FGF9: variants seen among roughly 807,000 people sequenced by gnomAD.
FGF9 encodes the protein fibroblast growth factor 9.
In FGF9, 3 loss-of-function variants were observed where a neutral mutation model predicts 19.9. That is an observed-to-expected ratio of 0.15 (90% confidence interval 0.07 to 0.39). The LOEUF (loss-of-function observed/expected upper bound fraction) is 0.39. FGF9 is among the 10% of genes least tolerant of loss of function. The pLI is 1.00. For synonymous variants in FGF9, 107 were observed against 106.9 expected (o/e 1.00, Z -0.01); for missense variants, 175 against 256.8 (o/e 0.68, Z 2.18).
intron 2 of FGF9, among the ~76,000 whole-genome samples, chr13:21,695,800 G>A (rs575889628): frequency 1.3e-4 from 20 of 152,330 alleles, no homozygotes; most frequent in African/African-American, 4.3e-4. Context: ...CTTATGAAAT[G>A]TTTGGGACCT....
intron 2 of FGF9, among the ~76,000 whole-genome samples, chr13:21,688,050 C>T (rs985441051): frequency 3.3e-5 from 5 of 152,154 alleles, no homozygotes; most frequent in Admixed American, 6.5e-5. Flanking sequence ...GAGTTGGGGA[C>T]GGAGGCCAAC....
Position 21,701,636 on chromosome 13 carries a change from G to A in FGF9, c.*201G>A. 2 of 631,308 alleles carry A rather than the reference G, an allele frequency of 3.2e-6. No individual in the cohort carries two copies. The highest frequency in any genetic ancestry group is 7.9e-4 in the Middle Eastern group (2 of 2,518). The allele number at this position is 631,308 out of a possible 1,614,324, so 39.1% of individuals were successfully genotyped here. ...TAAAGGCTTCTCCTCCTGGAGGGCT[G>A]CCTAGGGCCACTTGCTTGATTTATC... On this transcript the variant is annotated 3_prime_UTR_variant, in exon 3 of 3. Transcript: ENST00000382353.
At chr13:21,678,107 A>G (rs889380608) in intron 1 of FGF9, among the ~76,000 whole-genome samples, 23 of 152,216 alleles carry the variant, frequency 1.5e-4, no homozygotes, top group African/African-American at 5.3e-4. Context: ...TATATACTCA[A>G]TAAATGGTAT....
intron 1 of FGF9, among the ~76,000 whole-genome samples, chr13:21,676,773 G>T (rs1199466449): frequency 6.6e-6 from 1 of 152,344 alleles, no homozygotes; most frequent in South Asian, 2.1e-4. Flanking sequence ...TTAAGCCAGA[G>T]AACCATGTCA....
In FGF9 at chr13:21,671,795, T is replaced by TTCTC. The variant is rs369053667; in HGVS notation, c.-108_-105dup. On this transcript the variant is annotated 5_prime_UTR_variant, in exon 1 of 3. Transcript: ENST00000382353. ...TGGATTGAAGAAAAGAACCTTTTTT[T>TTCTC]TCTCTCTCTCTCTGCAACTGCAGTA... 8.6e-7 allele frequency: 1 copy of TTCTC among 1,161,076 alleles called. No homozygotes were observed. Among genetic ancestry groups the TTCTC allele is most frequent in the African/African-American group, 1.5e-5 (1 of 65,130 alleles). The allele number at this position is 1,161,076 out of a possible 1,614,324, so 71.9% of individuals were successfully genotyped here.
Position 21,671,224 on chromosome 13 carries a change from T to C in FGF9, c.-689T>C, listed in dbSNP as rs977425496. Among the ~76,000 whole-genome samples, 1 of 152,222 alleles carries C rather than the reference T, an allele frequency of 6.6e-6. No individual in the cohort carries two copies. The highest frequency in any genetic ancestry group is 6.5e-5 in the Admixed American group (1 of 15,282). ...CTCCTCGCTCGCCGCTCGCCACCCG[T>C]TCTAAGCCAATGGACATCTGCCGAG... On this transcript the variant is annotated 5_prime_UTR_variant, in exon 1 of 3. Coordinates refer to ENST00000382353, the MANE Select transcript of FGF9 (RefSeq NM_002010.3).
chr13:21,679,119 C>T (rs1469608988), intron 1 of FGF9, among the ~76,000 whole-genome samples: 2 of 152,202 alleles, frequency 1.3e-5, no homozygotes, highest in Non-Finnish European at 2.9e-5. Flanking sequence ...GCTTCTTTTG[C>T]ATGTATTCTC....
intron 2 of FGF9, among the ~76,000 whole-genome samples, chr13:21,682,870 A>T (rs568463726): frequency 1.0e-3 from 153 of 152,050 alleles, no homozygotes; most frequent in African/African-American, 3.6e-3. Flanking sequence ...CACCAAAAAA[A>T]TTTTTTTTGA....
intron 1 of FGF9, among the ~76,000 whole-genome samples, chr13:21,677,051 C>CA (rs1871932940): frequency 1.3e-5 from 2 of 152,144 alleles, no homozygotes; most frequent in Admixed American, 1.3e-4. Flanking sequence ...GATCTCACAC[C>CA]TCATCAAATC....
chr13:21,700,067 C>T (rs1240805913), intron 2 of FGF9, among the ~76,000 whole-genome samples: 1 of 151,096 alleles, frequency 6.6e-6, no homozygotes, highest in Non-Finnish European at 1.5e-5. Context: ...GTTGTTACTG[C>T]CCATGAGTTT....
chr13:21,679,272 A>T (rs1871984719), intron 1 of FGF9, among the ~76,000 whole-genome samples: 1 of 152,246 alleles, frequency 6.6e-6, no homozygotes, highest in African/African-American at 2.4e-5. Flanking sequence ...AGAATTAGGA[A>T]TGCCCCTTTA....
Position 21,671,892 on chromosome 13 carries a change from C to T in FGF9, c.-21C>T, listed in dbSNP as rs1871776672. 6.2e-7 allele frequency: 1 copy of T among 1,613,892 alleles called. No homozygotes were observed. Among genetic ancestry groups the T allele is most frequent in the African/African-American group, 1.3e-5 (1 of 74,896 alleles). ...ACCATCATTATTGTTTATTCTTGTG[C>T]TCCAAAAGCCGAGTCCTCTGATGGC... On this transcript the variant is annotated 5_prime_UTR_variant, in exon 1 of 3. Transcript: ENST00000382353.
chr13:21,675,924 CTTTT>C (rs58436546), intron 1 of FGF9, among the ~76,000 whole-genome samples: 7 of 137,592 alleles, frequency 5.1e-5, no homozygotes, highest in African/African-American at 1.6e-4. Context: ...TTGAAGGAGC[CTTTT>C]TTTTTTTTTT....
At position 21,697,325 on chromosome 13, in the gene FGF9, T is replaced by C. The variant is rs1872431654; in HGVS notation, c.382-3865T>C. 2.0e-5 allele frequency among the ~76,000 whole-genome samples: 3 copies of C among 152,144 alleles called. No individual in the cohort carries two copies. In the South Asian group the frequency reaches 6.2e-4, roughly 32 times the overall value. ...CACCATGCCCAGCTAATTTTTTGTT[T>C]TGTAGAGATGGGGGTCTCACTATGT... On this transcript the variant is annotated intron_variant, in intron 2 of 2. Coordinates refer to ENST00000382353, the MANE Select transcript of FGF9 (RefSeq NM_002010.3).
At chr13:21,685,279 A>G (rs549409248) in intron 2 of FGF9, among the ~76,000 whole-genome samples, 1 of 152,362 alleles carries the variant, frequency 6.6e-6, no homozygotes, top group South Asian at 2.1e-4. Context: ...TTCGTAAAGT[A>G]AATGTGTAAA....
chr13:21,672,314 C>A lies in FGF9; in HGVS notation c.277+125C>A. On this transcript the variant is annotated intron_variant, in intron 1 of 2. Transcript: ENST00000382353. The surrounding 1 kb of genome is among the most constrained non-coding windows in gnomAD (Gnocchi z 4.2). ...CCCCTCCTCCCCTCTTTCTCTGTAT[C>A]TCTGTCTCTCTCTCTCTCTGTCTTG... The A allele has an allele frequency of 9.6e-7, 1 of 1,045,362 alleles. No homozygotes were observed. The highest frequency in any genetic ancestry group is 1.5e-6 in the Non-Finnish European group (1 of 683,244). 64.8% of individuals were successfully genotyped at this position (1,045,362 alleles called of 1,614,324 possible). A position where few individuals can be genotyped will look rare whatever the true frequency, so the allele number is the denominator to read the frequency against.
chr13:21,689,338 T>G (rs1231871152), intron 2 of FGF9, among the ~76,000 whole-genome samples: 1 of 152,206 alleles, frequency 6.6e-6, no homozygotes, highest in Non-Finnish European at 1.5e-5. Flanking sequence ...AGGGACTTGG[T>G]GACTGTGCTT....
intron 2 of FGF9, 97 bp from the exon 3 acceptor site, chr13:21,701,093 A>G (rs1037215966): frequency 4.5e-6 from 4 of 896,648 alleles, no homozygotes; most frequent in African/African-American, 1.6e-5. Flanking sequence ...ACGTGTGCCA[A>G]GGTGGTTTGC....
chr13:21,688,654 A>G (rs2138140016), intron 2 of FGF9, among the ~76,000 whole-genome samples: 1 of 152,340 alleles, frequency 6.6e-6, no homozygotes, highest in East Asian at 1.9e-4. Flanking sequence ...AAATAAAAAT[A>G]TATTTACTAG....
Sources: gnomAD v4.1 joint callset for allele counts (sites outside exome capture counted in the v4.1 genomes callset) on GRCh38, gnomAD v4.1.1 for gene constraint, Gnocchi (gnomAD v3.1) non-coding constraint, MANE v1.5 for transcripts, NCBI Gene and HGNC (gene_info 2026-07-23, HGNC 2026-07-21) for gene names.